MRPL27: variants seen among roughly 807,000 people sequenced by gnomAD.
MRPL27 encodes large ribosomal subunit protein bL27m.
Under a neutral mutation model 14.6 loss-of-function variants are expected in MRPL27, and 4 were observed. The observed-to-expected ratio is 0.27, with a 90% CI of 0.14 to 0.63. MRPL27 has a LOEUF of 0.63. Among genes scored for constraint, MRPL27 ranks in the 20% least tolerant of loss-of-function variants. The probability of loss-of-function intolerance (pLI) is 0.85; values close to 1 mark genes in which losing one functional copy is unlikely to be tolerated. For missense variants in MRPL27, 196 were observed against 192.8 expected, an observed-to-expected ratio of 1.02 and a Z score of -0.10; for synonymous variants, 82 against 75.5, an observed-to-expected ratio of 1.09 and a Z score of -0.45.
Position 50,370,459 on chromosome 17 carries a change from C to T in MRPL27, c.168G>A (p.Met56Ile). The T allele has an allele frequency of 3.1e-6, 5 of 1,614,168 alleles. No homozygotes were observed. The highest frequency in any genetic ancestry group is 4.2e-6 in the Non-Finnish European group (5 of 1,180,028). The change falls in exon 2 of 4, where the codon ATG becomes ATA. Residue 56 changes from methionine to isoleucine, a missense_variant. Physicochemically the swap from Met to Ile is conservative, Grantham distance 10. Coordinates refer to ENST00000225969, the MANE Select transcript of MRPL27 (RefSeq NM_016504.3). The part of the protein sequence containing the change: ...SSGRRQGIKK[M>I]EGHYVHAGNI... The stretch of plus-strand genomic sequence containing the variant: ...GAAGCCAAGGCACATCCTCACCTTC[C>T]ATTTTCTTAATGCCTTGGCGTCTGC...
At position 50,368,209 on chromosome 17, in the gene MRPL27, G is replaced by A. The variant is rs908815778; in HGVS notation, c.330C>T (p.Asn110=). 26 of 1,614,102 alleles carry A rather than the reference G, an allele frequency of 1.6e-5. No individual in the cohort carries two copies. Among genetic ancestry groups the A allele is most frequent in the Non-Finnish European group, 5.9e-6 (7 of 1,180,062 alleles). ...TKEVYVPHPR[N]TEAVDLITRL... is the part of the protein sequence containing the mutation. Reference sequence around the variant, plus strand: ...TGGTGATCAGATCCACAGCCTCCGTGTTTCTGGGATGAGGCACGTAGACCT... The same window carrying A: ...TGGTGATCAGATCCACAGCCTCCGTATTTCTGGGATGAGGCACGTAGACCT... Residue 110 remains asparagine (N), a synonymous_variant, in exon 4 of 4, where the codon AAC becomes AAT. Coordinates refer to ENST00000225969, the MANE Select transcript of MRPL27 (RefSeq NM_016504.3).
chr17:50,369,844 G>C, intron 3 of MRPL27, 188 bp downstream of exon 3: 1 of 721,648 alleles, frequency 1.4e-6, no homozygotes, highest in South Asian at 1.7e-5. Flanking sequence ...CCCCGTCTAG[G>C]TCTCTGGCAT....
intron 1 of MRPL27, chr17:50,372,757 C>G (rs1567813127): frequency 3.7e-6 from 1 of 268,852 alleles, no homozygotes; most frequent in Non-Finnish European, 7.1e-6. Flanking sequence ...ATTTTCCGAA[C>G]ACCTACCGCC....
rs1188723171 is a variant in MRPL27, at chr17:50,370,509, T to C, written c.118A>G (p.Lys40Glu). 1.2e-6 allele frequency: 2 copies of C among 1,614,078 alleles called. No individual in the cohort carries two copies. Among genetic ancestry groups the C allele is most frequent in the African/African-American group, 2.7e-5 (2 of 74,946 alleles). Residue 40 changes from lysine (K) to glutamate (E), a missense_variant, in exon 2 of 4, where the codon AAA becomes GAA. Physicochemically the swap from Lys to Glu is moderately conservative, Grantham distance 56. Coordinates refer to ENST00000225969, the MANE Select transcript of MRPL27 (RefSeq NM_016504.3). The part of the protein sequence containing the change: ...YASKKSGGSS[K>E]NLGGKSSGRR... ...CCTGATGACTTTCCACCGAGGTTTT[T>C]GGAGCTACCACCCGACTTCTTGGAT...
Position 50,368,012 on chromosome 17 carries a change from C to A in MRPL27, c.*80G>T. The A allele has an allele frequency of 6.6e-7, 1 of 1,516,682 alleles. No homozygotes were observed. The highest frequency in any genetic ancestry group is 9.0e-7 in the Non-Finnish European group (1 of 1,105,600). The allele number at this position is 1,516,682 out of a possible 1,614,324, so 94.0% of individuals were successfully genotyped here. On this transcript the variant is annotated 3_prime_UTR_variant, in exon 4 of 4. Transcript: ENST00000225969. ...ACCTCTTCCTCGGGAGGCCGTGTCG[C>A]CACCCCAACCCTTGACTTCTGGTAT...
intron 3 of MRPL27, chr17:50,369,064 G>C: frequency 1.7e-6 from 1 of 582,564 alleles, no homozygotes; most frequent in Non-Finnish European, 3.0e-6. Context: ...TCAAATACCA[G>C]CACTGCTACT....
rs1913102275 is a variant in MRPL27, at chr17:50,370,590, C to G, written c.41-4G>C. On this transcript the variant is annotated splice_region_variant and splice_polypyrimidine_tract_variant and intron_variant, in intron 1 of 3. Transcript: ENST00000225969. ...GTGGGGCTTAGCAAGGATGTAACTGCAGAGAAAACAGAAACATTGTTCAGA... is the reference window on the plus strand; with the variant it reads ...GTGGGGCTTAGCAAGGATGTAACTGGAGAGAAAACAGAAACATTGTTCAGA... 2 of 1,614,056 alleles carry G rather than the reference C, an allele frequency of 1.2e-6. No homozygotes were observed. The highest frequency in any genetic ancestry group is 2.7e-5 in the African/African-American group (2 of 75,042).
intron 1 of MRPL27, chr17:50,370,803 G>A: frequency 5.7e-6 from 3 of 527,136 alleles, no homozygotes; most frequent in Non-Finnish European, 1.0e-5. Context: ...AACACAAATG[G>A]AAAAAAATAA....
chr17:50,369,027 A>T (rs987478339), intron 3 of MRPL27: 4 of 604,972 alleles, frequency 6.6e-6, no homozygotes, highest in Non-Finnish European at 1.2e-5. Flanking sequence ...GATTAAAAGA[A>T]TGGGCTCTGG....
chr17:50,370,501 G>T lies in MRPL27; in HGVS notation c.126C>A (p.Leu42=). Residue 42 remains leucine, a synonymous_variant, in exon 2 of 4, where the codon CTC becomes CTA. Transcript: ENST00000225969. ...GGCGTCTGCCTGATGACTTTCCACCGAGGTTTTTGGAGCTACCACCCGACT... is the reference window on the plus strand; with the variant it reads ...GGCGTCTGCCTGATGACTTTCCACCTAGGTTTTTGGAGCTACCACCCGACT... The part of the protein sequence containing the change: ...SKKSGGSSKN[L]GGKSSGRRQG... 1 of 1,614,166 alleles carries T rather than the reference G, an allele frequency of 6.2e-7. No homozygotes were observed. The highest frequency in any genetic ancestry group is 1.3e-5 in the African/African-American group (1 of 75,026).
Position 50,367,915 on chromosome 17 carries a change from C to A in MRPL27, c.*177G>T. On this transcript the variant is annotated 3_prime_UTR_variant, in exon 4 of 4. Transcript: ENST00000225969. ...TGACGCTGGCTCACTTTATTTTTGG[C>A]CCCAGGTCAGGTCTCCCAAAGGGTT... 2 of 668,846 alleles carry A rather than the reference C, an allele frequency of 3.0e-6. No individual in the cohort carries two copies. Among genetic ancestry groups the A allele is most frequent in the Non-Finnish European group, 2.5e-6 (1 of 396,814 alleles). The allele number at this position is 668,846 out of a possible 1,614,324, so 41.4% of individuals were successfully genotyped here.
At chr17:50,368,448 G>C (rs1167997633) in intron 3 of MRPL27, 150 bp from the exon 4 acceptor site, 1 of 751,768 alleles carries the variant, frequency 1.3e-6, no homozygotes, top group Non-Finnish European at 2.2e-6. Flanking sequence ...CCACTGGCTA[G>C]CACGTCCAAA....
At chr17:50,372,266 G>GA (rs1419912477) in intron 1 of MRPL27, among the ~76,000 whole-genome samples, 10 of 149,636 alleles carry the variant, frequency 6.7e-5, no homozygotes, top group African/African-American at 2.5e-4. Flanking sequence ...GGGGGGGGGG[G>GA]ATAGGGCCCC....
intron 1 of MRPL27, 133 bp from the exon 2 acceptor site, chr17:50,370,719 G>A: frequency 1.6e-6 from 2 of 1,223,446 alleles, no homozygotes; most frequent in East Asian, 2.5e-5. Flanking sequence ...GTGCCACTGA[G>A]TGTATTAGTT....
At chr17:50,369,832 C>G (rs1037611548) in intron 3 of MRPL27, 200 bp downstream of exon 3, 11 of 668,050 alleles carry the variant, frequency 1.6e-5, no homozygotes, top group Non-Finnish European at 2.9e-5. Context: ...TTGCTCCTTC[C>G]ACCCCGTCTA....
chr17:50,372,006 T>A (rs1462607333), intron 1 of MRPL27, among the ~76,000 whole-genome samples: 2 of 152,204 alleles, frequency 1.3e-5, no homozygotes, highest in East Asian at 3.9e-4. Context: ...GCTCTGTGGA[T>A]GCTAACTCCA....
At chr17:50,370,389 T>G in intron 2 of MRPL27, 66 bp downstream of exon 2, 2 of 1,608,992 alleles carry the variant, frequency 1.2e-6, no homozygotes, top group Non-Finnish European at 1.7e-6. Context: ...GCAGGGTTCT[T>G]CTGCTCTCCT....
chr17:50,372,260 G>T (rs1008031337), intron 1 of MRPL27, among the ~76,000 whole-genome samples: 1 of 151,330 alleles, frequency 6.6e-6, no homozygotes, highest in Non-Finnish European at 1.5e-5. Flanking sequence ...TTTTTTGGGG[G>T]GGGGGGATAG....
chr17:50,369,859 C>T (rs2143274968), intron 3 of MRPL27, 173 bp downstream of exon 3: 3 of 781,324 alleles, frequency 3.8e-6, no homozygotes, highest in African/African-American at 3.6e-5. Flanking sequence ...TGGCATTTCA[C>T]CTTACTTACA....
Sources: gnomAD v4.1 joint callset for allele counts (sites outside exome capture counted in the v4.1 genomes callset) on GRCh38, gnomAD v4.1.1 for gene constraint, MANE v1.5 for transcripts, NCBI Gene and HGNC (gene_info 2026-07-23, HGNC 2026-07-21) for gene names.